ABCC1: variants seen among roughly 807,000 people sequenced by gnomAD.
The protein encoded by ABCC1 is multidrug resistance-associated protein 1.
In ABCC1, 83 loss-of-function variants were observed where a neutral mutation model predicts 172.9. That is an observed-to-expected ratio of 0.48 (90% CI 0.40 to 0.58). ABCC1 has a LOEUF of 0.58. Ranked by LOEUF, ABCC1 falls within the 20% of genes least tolerant of loss-of-function variation. ABCC1 has a pLI of 0.00. For synonymous variants in ABCC1, 937 were observed against 825.2 expected (o/e 1.14, Z -2.32); for missense variants, 1,817 against 2,002.7 (o/e 0.91, Z 1.77).
chr16:16,068,227 C>A lies in ABCC1; in HGVS notation c.1749C>A (p.Phe583Leu). Reference sequence around the variant, plus strand: ...ACATCCTGGATGCCCAGACAGCCTTCGTGTCTTTGGCCTTGTTCAACATCC... The same window carrying A: ...ACATCCTGGATGCCCAGACAGCCTTAGTGTCTTTGGCCTTGTTCAACATCC... ...ENNILDAQTA[F>L]VSLALFNILR... Residue 583 changes from phenylalanine (F) to leucine (L), a missense_variant, in exon 13 of 31, where the codon TTC becomes TTA. Physicochemically the swap from Phe to Leu is conservative, Grantham distance 22. Around this residue, in one of 3 missense-constraint regions of ABCC1, gnomAD observed 1,412 missense variants for 1,600.3 expected, o/e 0.88. Transcript: ENST00000399410. The A allele has an allele frequency of 6.2e-7, 1 of 1,614,174 alleles. No homozygotes were observed. Among genetic ancestry groups the A allele is most frequent in the Non-Finnish European group, 8.5e-7 (1 of 1,180,024 alleles).
chr16:16,141,193 G>C lies in ABCC1; in HGVS notation c.4508G>C (p.Gly1503Ala), dbSNP rs773903464. ...CTCAGGGTGATCGTCTTGGACAAAG[G>C]AGAAATCCAGGAGTACGGCGCCCCA... ...DYTRVIVLDK[G>A]EIQEYGAPSD... The change falls in exon 31 of 31, where the codon GGA (glycine) becomes GCA (alanine). Residue 1503 changes from glycine to alanine, a missense_variant. Coordinates refer to ENST00000399410, the MANE Select transcript of ABCC1 (RefSeq NM_004996.4). The C allele has an allele frequency of 6.2e-7, 1 of 1,613,954 alleles. No individual in the cohort carries two copies. Among genetic ancestry groups the C allele is most frequent in the East Asian group, 2.2e-5 (1 of 44,884 alleles).
chr16:16,036,276 G>A (rs1364179467), intron 6 of ABCC1, among the ~76,000 whole-genome samples, 196 bp from the exon 7 acceptor site: 1 of 151,426 alleles, frequency 6.6e-6, no homozygotes. Flanking sequence ...AGAATGAGCT[G>A]TAATTAGCTT....
intron 17 of ABCC1, among the ~76,000 whole-genome samples, chr16:16,086,622 T>TTTTTC (rs150321278): frequency 6.6e-5 from 10 of 151,538 alleles, no homozygotes; most frequent in Non-Finnish European, 1.0e-4. Context: ...CTTGGCTAAT[T>TTTTTC]TTTTCTTTTC....
intron 9 of ABCC1, 70 bp downstream of exon 9, chr16:16,046,083 G>A: frequency 1.3e-6 from 2 of 1,536,594 alleles, no homozygotes; most frequent in Non-Finnish European, 1.8e-6. Context: ...GGGTTACTCT[G>A]GGGCCAGCGT....
chr16:16,076,803 C>G (rs1428659254), intron 15 of ABCC1, among the ~76,000 whole-genome samples: 2 of 152,190 alleles, frequency 1.3e-5, no homozygotes, highest in Non-Finnish European at 2.9e-5. Flanking sequence ...GCATCCTCTC[C>G]CCTTGTGATG....
chr16:16,099,874 A>G (rs1567402407), intron 19 of ABCC1, among the ~76,000 whole-genome samples: 1 of 152,170 alleles, frequency 6.6e-6, no homozygotes, highest in Non-Finnish European at 1.5e-5. Flanking sequence ...ACCTGAGGTC[A>G]GGGGTTTGAG....
At chr16:16,086,079 C>A (rs999046405) in intron 17 of ABCC1, among the ~76,000 whole-genome samples, 1 of 152,178 alleles carries the variant, frequency 6.6e-6, no homozygotes, top group Non-Finnish European at 1.5e-5. Flanking sequence ...TGGCAGCTGT[C>A]ACCAACAGCA....
intron 7 of ABCC1, among the ~76,000 whole-genome samples, chr16:16,042,492 C>T (rs2151868431): frequency 6.6e-6 from 1 of 152,192 alleles, no homozygotes; most frequent in East Asian, 1.9e-4. Flanking sequence ...CACTTGAGGT[C>T]AGGAGTTCAA....
At chr16:16,138,714 C>CTTTTT (rs397973927) in intron 30 of ABCC1, among the ~76,000 whole-genome samples, 156 bp downstream of exon 30, 9 of 129,670 alleles carry the variant, frequency 6.9e-5, no homozygotes, top group African/African-American at 2.7e-4. Context: ...CCAGCTATTT[C>CTTTTT]TTTTTTTTTT....
chr16:15,983,239 C>T (rs900655466), intron 1 of ABCC1, among the ~76,000 whole-genome samples: 1 of 152,058 alleles, frequency 6.6e-6, no homozygotes, highest in African/African-American at 2.4e-5. Context: ...GAGAAAGACT[C>T]CAGGTAGAGG....
In ABCC1 at chr16:16,105,065, A is replaced by T. The variant is rs533337661; in HGVS notation, c.2736-1673A>T. Among the ~76,000 whole-genome samples the T allele has an allele frequency of 1.5e-3, 227 of 152,296 alleles. 3 individuals are homozygous for T. The highest frequency in any genetic ancestry group is 0.014 in the Admixed American group (209 of 15,304). On this transcript the variant is annotated intron_variant, in intron 20 of 30. Transcript: ENST00000399410. ...GGCTCCAGCCTTGGCCAGCCCAGAA[A>T]GGGGCTCCCACAGTGCAGCGGCGGG...
intron 10 of ABCC1, among the ~76,000 whole-genome samples, chr16:16,050,482 A>C (rs530533152): frequency 3.5e-4 from 53 of 151,276 alleles, no homozygotes; most frequent in African/African-American, 1.3e-3. Context: ...AGGAAGAAGA[A>C]AAAATTACTG....
intron 1 of ABCC1, among the ~76,000 whole-genome samples, chr16:16,007,128 T>TG (rs1219364483): frequency 6.6e-5 from 10 of 152,060 alleles, no homozygotes; most frequent in Admixed American, 6.6e-4. Flanking sequence ...CAGTGGGACT[T>TG]GCCACAGGTT....
At chr16:16,016,320 A>G (rs1023638183) in intron 4 of ABCC1, among the ~76,000 whole-genome samples, 176 bp from the exon 5 acceptor site, 1 of 151,500 alleles carries the variant, frequency 6.6e-6, no homozygotes, top group Non-Finnish European at 1.5e-5. Flanking sequence ...CGTCTGGCCA[A>G]TTTTTGTATT....
chr16:16,116,523 T>C (rs1411947631), intron 23 of ABCC1, among the ~76,000 whole-genome samples: 1 of 152,168 alleles, frequency 6.6e-6, no homozygotes, highest in Non-Finnish European at 1.5e-5. Context: ...ATTATAACAA[T>C]ATGCCAGTAT....
At chr16:15,985,843 C>G (rs900603645) in intron 1 of ABCC1, among the ~76,000 whole-genome samples, 2 of 152,138 alleles carry the variant, frequency 1.3e-5, no homozygotes, top group South Asian at 4.1e-4. Context: ...AAATGTACGG[C>G]TGGTGTTCTT....
In ABCC1 at chr16:16,142,895, C is replaced by G. The variant is rs1348368367; in HGVS notation, c.*1614C>G. On this transcript the variant is annotated 3_prime_UTR_variant, in exon 31 of 31. Transcript: ENST00000399410. ...TAAGAATTACGCCGCCGACTTCAAA[C>G]CCAGAGAGCATCTTTCTTTTAGGCG... 5.2e-5 allele frequency: 8 copies of G among 152,554 alleles called. No individual in the cohort carries two copies. Among genetic ancestry groups the G allele is most frequent in the Admixed American group, 5.2e-4 (8 of 15,274 alleles). The allele number at this position is 152,554 out of a possible 1,614,324, so 9.5% of individuals were successfully genotyped here.
Position 15,949,630 on chromosome 16 carries a change from C to CGCCGCCGCCGCCGCCAGCGCT in ABCC1, c.-119_-118insGCCGCCGCCGCCAGCGCTGCC, listed in dbSNP as rs1406999078. On this transcript the variant is annotated 5_prime_UTR_variant, in exon 1 of 31. Transcript: ENST00000399410. Reference sequence around the variant, plus strand: ...CTCCCTGCGCCGCCGCCGCCGCCGCCGCCAGCGCTAGCGCCAGCAGCCGGG... The same window carrying CGCCGCCGCCGCCGCCAGCGCT: ...CTCCCTGCGCCGCCGCCGCCGCCGCCGCCGCCGCCGCCGCCAGCGCTGCCAGCGCTAGCGCCAGCAGCCGGG... 1.5e-6 allele frequency: 1 copy of CGCCGCCGCCGCCGCCAGCGCT among 677,880 alleles called. No individual in the cohort carries two copies. The highest frequency in any genetic ancestry group is 2.0e-5 in the African/African-American group (1 of 51,190). 42.0% of individuals were successfully genotyped at this position (677,880 alleles called of 1,614,324 possible).
intron 1 of ABCC1, among the ~76,000 whole-genome samples, chr16:15,976,878 G>T (rs1205273497): frequency 6.6e-6 from 1 of 152,190 alleles, no homozygotes; most frequent in African/African-American, 2.4e-5. Flanking sequence ...CTTCCCCCAG[G>T]CCACACAGCC....
Sources: allele counts gnomAD v4.1 joint callset (sites outside exome capture counted in the v4.1 genomes callset), GRCh38; gene constraint gnomAD v4.1.1; regional missense constraint gnomAD v4.1.1; transcripts MANE v1.5; gene names NCBI Gene and HGNC (gene_info 2026-07-23, HGNC 2026-07-21).